NIFK: variants seen among roughly 807,000 people sequenced by gnomAD.
NIFK encodes nucleolar protein interacting with the FHA domain of MKI67, also known as MKI67 FHA domain-interacting nucleolar phosphoprotein.
NIFK carries 16 observed loss-of-function variants against 31.7 expected under a neutral mutation model. That is an observed-to-expected ratio of 0.50 (90% CI 0.34 to 0.77). NIFK has a LOEUF of 0.77. NIFK is among the 30% of genes least tolerant of loss of function. NIFK has a pLI of 0.01. For missense variants in NIFK, 341 were observed against 350.4 expected (o/e 0.97, Z 0.21); for synonymous variants, 126 against 123.0 (o/e 1.02, Z -0.16).
chr2:121,731,117 A>AG lies in NIFK; in HGVS notation c.353-14dup, dbSNP rs1304657116. ...GGCATAAAATGACCTATTTTCAAAAAGAAAAAAACATAAAGGTATTTTAAT... is the reference window on the plus strand; with the variant it reads ...GGCATAAAATGACCTATTTTCAAAAAGGAAAAAAACATAAAGGTATTTTAAT... On this transcript the variant is annotated splice_polypyrimidine_tract_variant and intron_variant, in intron 3 of 6. Transcript: ENST00000285814. The AG allele has an allele frequency of 1.4e-6, 2 of 1,439,426 alleles. No individual in the cohort carries two copies. Among genetic ancestry groups the AG allele is most frequent in the Non-Finnish European group, 1.9e-6 (2 of 1,045,236 alleles). The allele number at this position is 1,439,426 out of a possible 1,614,324, so 89.2% of individuals were successfully genotyped here. A position where few individuals can be genotyped will look rare whatever the true frequency, so the allele number is the denominator to read the frequency against.
At chr2:121,733,982 A>G (rs1215108029) in intron 2 of NIFK, among the ~76,000 whole-genome samples, 3 of 152,162 alleles carry the variant, frequency 2.0e-5, no homozygotes, top group Non-Finnish European at 4.4e-5. Context: ...AGTTAAAAAT[A>G]TTAAAAAACC....
At chr2:121,730,845 C>G in intron 4 of NIFK, 48 bp downstream of exon 4, 1 of 1,337,936 alleles carries the variant, frequency 7.5e-7, no homozygotes, top group Non-Finnish European at 1.1e-6. Context: ...AAAGCTGCCC[C>G]CTCCCCTCCC....
In NIFK at chr2:121,727,253, C is replaced by A; in HGVS notation, c.*471G>T. 1 of 336,668 alleles carries A rather than the reference C, an allele frequency of 3.0e-6. No individual in the cohort carries two copies. The highest frequency in any genetic ancestry group is 6.2e-6 in the Non-Finnish European group (1 of 161,408). The allele number at this position is 336,668 out of a possible 1,614,324, so 20.9% of individuals were successfully genotyped here. A position where few individuals can be genotyped will look rare whatever the true frequency, so the allele number is the denominator to read the frequency against. ...TCTGTGCTAAAACTGGAACTGCCTT[C>A]TCACTCTACATATAATTAAACTTCC... is the stretch of plus-strand genomic sequence containing the variant. On this transcript the variant is annotated 3_prime_UTR_variant, in exon 7 of 7. Coordinates refer to ENST00000285814, the MANE Select transcript of NIFK (RefSeq NM_032390.5).
chr2:121,728,567 A>C (rs1444237532), intron 4 of NIFK, 31 bp from the exon 5 acceptor site: 4 of 1,273,004 alleles, frequency 3.1e-6, no homozygotes, highest in African/African-American at 3.0e-5. Context: ...ATTGACACTC[A>C]TATCTTTTCT....
intron 6 of NIFK, 100 bp from the exon 7 acceptor site, chr2:121,728,012 C>T: frequency 8.7e-7 from 1 of 1,148,884 alleles, no homozygotes; most frequent in South Asian, 1.7e-5. Context: ...AGTTGTGCCC[C>T]ATTATTTTAG....
chr2:121,728,665 CAT>C, intron 4 of NIFK, 129 bp from the exon 5 acceptor site: 1 of 591,040 alleles, frequency 1.7e-6, no homozygotes, highest in Non-Finnish European at 2.9e-6. Flanking sequence ...AATCAAAACT[CAT>C]AAATACAGTG....
rs770578698 is a variant in NIFK at position 121,735,632 on chromosome 2, C to T, written c.224G>A (p.Arg75Lys). ...FSQFGTVTRF[R>K]LSRSKRTGNS... is the part of the protein sequence containing the mutation. ...TCTTACCCTTTTACTTCTGGACAGC[C>T]TGAACCGTGTCACAGTGCCAAACTG... The change falls in exon 2 of 7, where the codon AGG becomes AAG. Residue 75 changes from arginine to lysine, a missense_variant. Transcript: ENST00000285814. 1 of 1,612,084 alleles carries T rather than the reference C, an allele frequency of 6.2e-7. No homozygotes were observed. The highest frequency in any genetic ancestry group is 8.5e-7 in the Non-Finnish European group (1 of 1,179,852).
rs374327891 is a variant in NIFK, at chr2:121,735,799, C to T, written c.106-49G>A. 10 of 1,517,528 alleles carry T rather than the reference C, an allele frequency of 6.6e-6. No homozygotes were observed. In the African/African-American group the frequency reaches 1.3e-4, roughly 19 times the overall value. The allele number at this position is 1,517,528 out of a possible 1,614,324, so 94.0% of individuals were successfully genotyped here. ...ATTAAATATATAAATAAGAAAATCA[C>T]ATTGTAACAAAACCCCTAGCCCTCG... On this transcript the variant is annotated intron_variant, in intron 1 of 6. Coordinates refer to ENST00000285814, the MANE Select transcript of NIFK (RefSeq NM_032390.5).
In NIFK at chr2:121,727,667, A is replaced by G; in HGVS notation, c.*57T>C. 7.7e-7 allele frequency: 1 copy of G among 1,301,016 alleles called. No homozygotes were observed. The highest frequency in any genetic ancestry group is 1.3e-5 in the South Asian group (1 of 77,314). 80.6% of individuals were successfully genotyped at this position (1,301,016 alleles called of 1,614,324 possible). ...TATTCCATTGTACCTAGTGAAATAC[A>G]AAGTCCACTCTCATAAAAATATTAT... is the stretch of plus-strand genomic sequence containing the variant. On this transcript the variant is annotated 3_prime_UTR_variant, in exon 7 of 7. Coordinates refer to ENST00000285814, the MANE Select transcript of NIFK (RefSeq NM_032390.5).
chr2:121,727,336 C>T lies in NIFK; in HGVS notation c.*388G>A. On this transcript the variant is annotated 3_prime_UTR_variant, in exon 7 of 7. Transcript: ENST00000285814. ...ACCTCCATGAGTTAAATGTCCCCGA[C>T]AAACCATGTAGATGGACAAACAAGA... 2.1e-6 allele frequency: 1 copy of T among 466,026 alleles called. No individual in the cohort carries two copies. Among genetic ancestry groups the T allele is most frequent in the Non-Finnish European group, 4.4e-6 (1 of 226,120 alleles). The allele number at this position is 466,026 out of a possible 1,614,324, so 28.9% of individuals were successfully genotyped here.
chr2:121,730,731 C>CTACT, intron 4 of NIFK, 162 bp downstream of exon 4: 1 of 607,382 alleles, frequency 1.6e-6, no homozygotes, highest in South Asian at 2.0e-5. Context: ...GTAATCCCAA[C>CTACT]TACTTGGGAG....
intron 2 of NIFK, among the ~76,000 whole-genome samples, chr2:121,733,439 C>G (rs916892735): frequency 1.1e-4 from 17 of 151,594 alleles, no homozygotes; most frequent in Admixed American, 2.0e-4. Context: ...CACTTGAATC[C>G]GAGAGGCTGA....
intron 2 of NIFK, among the ~76,000 whole-genome samples, chr2:121,734,427 G>A (rs10189615): frequency 0.088 from 13,330 of 152,084 alleles, 957 homozygotes; most frequent in African/African-American, 0.2. Flanking sequence ...AATACCATAT[G>A]TACATTTATA....
At chr2:121,728,742 G>A (rs2074514250) in intron 4 of NIFK, 1 of 476,454 alleles carries the variant, frequency 2.1e-6, no homozygotes, top group Admixed American at 4.0e-5. Flanking sequence ...AGCTGCAGAG[G>A]TTGAAGGGAA....
intron 2 of NIFK, among the ~76,000 whole-genome samples, chr2:121,733,237 G>A (rs1385198452): frequency 8.6e-5 from 13 of 151,688 alleles, no homozygotes; most frequent in Non-Finnish European, 1.6e-4. Flanking sequence ...AAATTAGGCC[G>A]GGCACAGTGG....
rs2074508392 is a variant in NIFK at position 121,728,313 on chromosome 2, G to A, written c.668C>T (p.Thr223Ile). 6.2e-7 allele frequency: 1 copy of A among 1,606,654 alleles called. No individual in the cohort carries two copies. The highest frequency in any genetic ancestry group is 2.2e-5 in the East Asian group (1 of 44,770). ...CTGGCTATCCACAGTCTTCTCAGGA[G>A]TGTCAAGAGTACCTGAAACTTTTTT... is the stretch of plus-strand genomic sequence containing the variant. Reference protein sequence around the residue: ...KKKKVSGTLDTPEKTVDSQGP... With the variant: ...KKKKVSGTLDIPEKTVDSQGP... Residue 223 changes from threonine to isoleucine, a missense_variant, in exon 6 of 7, where the codon ACT becomes ATT. Thr to Ile is a moderately conservative substitution (Grantham distance 89, BLOSUM62 -1). Coordinates refer to ENST00000285814, the MANE Select transcript of NIFK (RefSeq NM_032390.5).
chr2:121,735,543 G>A (rs1044895475), intron 2 of NIFK, 70 bp downstream of exon 2: 120 of 1,475,502 alleles, frequency 8.1e-5, no homozygotes, highest in Non-Finnish European at 1.1e-4. Context: ...ATGCGTGAAC[G>A]TGCTCTTTAA....
Position 121,732,870 on chromosome 2 carries a change from CA to C in NIFK, c.244-667del, listed in dbSNP as rs374197425. 3.3e-3 allele frequency among the ~76,000 whole-genome samples: 495 copies of C among 151,856 alleles called. 1 individual carries two copies. Among genetic ancestry groups the C allele is most frequent in the African/African-American group, 0.01 (418 of 41,412 alleles). ...GGCCAAGGAGGGTGGATCTCAAGGT[CA>C]GGGGTTTGAGACCAGCCTGGCCAAC... On this transcript the variant is annotated intron_variant, in intron 2 of 6. Coordinates refer to ENST00000285814, the MANE Select transcript of NIFK (RefSeq NM_032390.5).
In NIFK at chr2:121,736,647, A is replaced by G. The variant is rs184421162; in HGVS notation, c.105+99T>C. The G allele has an allele frequency of 1.1e-5, 11 of 1,010,160 alleles. No individual in the cohort carries two copies. The Admixed American group carries it at 1.5e-4, about 14-fold the overall frequency. The allele number at this position is 1,010,160 out of a possible 1,614,324, so 62.6% of individuals were successfully genotyped here. The stretch of plus-strand genomic sequence containing the variant: ...CTGGAGGTAATGAAGGCGAGCACGA[A>G]GGCAAGGGGCGCCCGGGCCGGAAAC... On this transcript the variant is annotated intron_variant, in intron 1 of 6. Coordinates refer to ENST00000285814, the MANE Select transcript of NIFK (RefSeq NM_032390.5).
Sources: allele counts gnomAD v4.1 joint callset (sites outside exome capture counted in the v4.1 genomes callset), GRCh38; gene constraint gnomAD v4.1.1; transcripts MANE v1.5; gene names NCBI Gene and HGNC (gene_info 2026-07-23, HGNC 2026-07-21).